The following ACSM3 variants were observed in gnomAD, a reference collection of about 807,000 sequenced individuals.
ACSM3 encodes the protein acyl-CoA synthetase medium chain family member 3.
ACSM3 carries 61 observed loss-of-function variants against 74.1 expected under a neutral mutation model. That is an observed-to-expected ratio of 0.82 (90% confidence interval 0.67 to 1.02). The LOEUF is 1.02. Ranked by LOEUF, ACSM3 falls within the 50% of genes least tolerant of loss-of-function variation. ACSM3 has a pLI of 0.00. For synonymous variants in ACSM3, 213 were observed against 241.5 expected (o/e 0.88, Z 1.09); for missense variants, 660 against 697.0 (o/e 0.95, Z 0.60).
intron 1 of ACSM3, among the ~76,000 whole-genome samples, chr16:20,702,583 A>T (rs9934043): frequency 0.62 from 93,886 of 152,054 alleles, 30,125 homozygotes; most frequent in Non-Finnish European, 0.72. Context: ...CTTTTTTTCA[A>T]ATGTTTGTTG....
chr16:20,792,309 A>G lies in ACSM3; in HGVS notation c.1528A>G (p.Ser510Gly). 1 of 1,614,112 alleles carries G rather than the reference A, an allele frequency of 6.2e-7. No homozygotes were observed. The highest frequency in any genetic ancestry group is 1.1e-5 in the South Asian group (1 of 91,090). ...TTCAGTTGCAGAGTCAGCTGTTGTC[A>G]GCAGCCCAGACCCCATCAGAGGAGA... ...HPSVAESAVV[S>G]SPDPIRGEVV... is the part of the protein sequence containing the mutation. The change falls in exon 12 of 14, where the codon AGC (serine) becomes GGC (glycine). Residue 510 changes from serine to glycine, a missense_variant. Ser to Gly is a moderately conservative substitution (Grantham distance 56). Coordinates refer to ENST00000289416, the MANE Select transcript of ACSM3 (RefSeq NM_005622.4).
intron 1 of ACSM3, among the ~76,000 whole-genome samples, chr16:20,678,944 G>A (rs1373265491): frequency 1.3e-5 from 2 of 152,082 alleles, no homozygotes; most frequent in Non-Finnish European, 2.9e-5. Context: ...TAGACTAGAA[G>A]AAGTAACTTT....
At position 20,709,222 on chromosome 16, in the gene ACSM3, A is replaced by G. The variant is rs551663033; in HGVS notation, c.-190+34400A>G. Among the ~76,000 whole-genome samples the G allele has an allele frequency of 2.0e-5, 3 of 152,376 alleles. No individual in the cohort carries two copies. The South Asian group carries it at 6.2e-4, about 32-fold the overall frequency. ...AGCTGAGATGGCACCACTGCACTCC[A>G]GCCTGGGCACAGAGCGAGACACTAT... On this transcript the variant is annotated intron_variant, in intron 1 of 3. Coordinates refer to the ACSM3 transcript ENST00000561584.
At chr16:20,727,320 C>G (rs1322005934) in intron 1 of ACSM3, 1 of 576,662 alleles carries the variant, frequency 1.7e-6, no homozygotes. Flanking sequence ...TCAAAAAGGC[C>G]CCATGCAACT....
intron 7 of ACSM3, among the ~76,000 whole-genome samples, chr16:20,784,265 A>T (rs1184656058): frequency 6.6e-6 from 1 of 152,234 alleles, no homozygotes; most frequent in Non-Finnish European, 1.5e-5. Flanking sequence ...AAAATTAAAA[A>T]TTCAATTCCT....
chr16:20,688,426 A>G (rs1024782745), intron 1 of ACSM3, among the ~76,000 whole-genome samples: 2 of 152,138 alleles, frequency 1.3e-5, no homozygotes, highest in African/African-American at 4.8e-5. Flanking sequence ...AATTTGAGAC[A>G]ATGCATGGTA....
At chr16:20,784,884 G>T in intron 7 of ACSM3, 100 bp from the exon 8 acceptor site, 1 of 1,355,030 alleles carries the variant, frequency 7.4e-7, no homozygotes, top group Admixed American at 2.4e-5. Flanking sequence ...ATTAAAAAGC[G>T]ACTAAAACAT....
intron 9 of ACSM3, chr16:20,789,405 A>C: frequency 9.3e-7 from 1 of 1,075,430 alleles, no homozygotes; most frequent in Non-Finnish European, 1.4e-6. Context: ...AATAAATGCT[A>C]GCTACTGGTA....
At chr16:20,728,369 A>G (rs1596486695) in intron 1 of ACSM3, 3 of 1,306,170 alleles carry the variant, frequency 2.3e-6, no homozygotes, top group Admixed American at 1.9e-5. Context: ...AAGAAAATCA[A>G]TTGTTTCTTT....
chr16:20,741,481 G>GGGGGGGGGCGGC, intron 1 of ACSM3: 1 of 1,308,414 alleles, frequency 7.6e-7, no homozygotes, highest in Non-Finnish European at 9.9e-7. Flanking sequence ...CTGGCAGCCG[G>GGGGGGGGGCGGC]CCCGCCCGCC....
chr16:20,761,716 T>A (rs1596504774), upstream of ACSM3, among the ~76,000 whole-genome samples: 2 of 152,166 alleles, frequency 1.3e-5, no homozygotes, highest in East Asian at 3.8e-4. Context: ...GGCAGTCTCC[T>A]AAGAGATAGA....
chr16:20,775,258 CA>C (rs2080242047), intron 2 of ACSM3, among the ~76,000 whole-genome samples: 1 of 152,166 alleles, frequency 6.6e-6, no homozygotes, highest in Non-Finnish European at 1.5e-5. Flanking sequence ...CATGCTATAG[CA>C]GCTCGGGTCC....
rs1478737923 is a variant in ACSM3, at chr16:20,790,469, T to A, written c.1225-118T>A. On this transcript the variant is annotated intron_variant, in intron 9 of 13. Transcript: ENST00000289416. This position sits in a 1 kb window ranked among gnomAD's most constrained non-coding sequence, Gnocchi z 4.0. ...GAGACCTTGTCTCACACACACAAAA[T>A]TTTTTTTAAGTCTTCATTTTTAAAT... 7.3e-6 allele frequency: 7 copies of A among 962,494 alleles called. No individual in the cohort carries two copies. The highest frequency in any genetic ancestry group is 9.3e-6 in the Non-Finnish European group (6 of 641,980). The allele number at this position is 962,494 out of a possible 1,614,324, so 59.6% of individuals were successfully genotyped here. A position where few individuals can be genotyped will look rare whatever the true frequency, so the allele number is the denominator to read the frequency against.
chr16:20,706,243 CA>C (rs941764415), intron 1 of ACSM3, among the ~76,000 whole-genome samples: 6 of 147,002 alleles, frequency 4.1e-5, no homozygotes, highest in South Asian at 2.1e-4. Context: ...GGGAGAAATA[CA>C]AAAAAAAACA....
At chr16:20,697,540 G>A (rs2079696073) in intron 1 of ACSM3, 1 of 146,758 alleles carries the variant, frequency 6.8e-6, no homozygotes, top group Non-Finnish European at 1.5e-5. Flanking sequence ...AGCATTGCCA[G>A]AACTTAAAAT....
At chr16:20,737,070 G>A (rs755843299) in intron 1 of ACSM3, 2 of 1,614,156 alleles carry the variant, frequency 1.2e-6, no homozygotes, top group Non-Finnish European at 8.5e-7. Context: ...TTTGTCCGCA[G>A]ATTCCAGTTT....
At chr16:20,741,340 C>A (rs1471435736) in intron 1 of ACSM3, among the ~76,000 whole-genome samples, 5 of 152,250 alleles carry the variant, frequency 3.3e-5, no homozygotes, top group Non-Finnish European at 5.9e-5. Flanking sequence ...GCACCGAAGT[C>A]TGCGAGCGTC....
intron 1 of ACSM3, among the ~76,000 whole-genome samples, chr16:20,732,127 T>C (rs1312253779): frequency 6.6e-6 from 1 of 152,144 alleles, no homozygotes; most frequent in Admixed American, 6.5e-5. Flanking sequence ...AGGGACCCCA[T>C]TAATATTCAG....
chr16:20,792,852 C>G (rs1183339244), intron 12 of ACSM3: 1 of 399,788 alleles, frequency 2.5e-6, no homozygotes, highest in Non-Finnish European at 3.4e-6. Flanking sequence ...TCCTGAAAGC[C>G]CATTCCTATT....
Sources: gnomAD v4.1 joint callset for allele counts (sites outside exome capture counted in the v4.1 genomes callset) on GRCh38, gnomAD v4.1.1 for gene constraint, Gnocchi (gnomAD v3.1) non-coding constraint, MANE v1.5 for transcripts, NCBI Gene and HGNC (gene_info 2026-07-23, HGNC 2026-07-21) for gene names.